RAD17: variants seen among roughly 807,000 people sequenced by gnomAD.
The protein encoded by RAD17 is RAD17 checkpoint clamp loader component, also known as cell cycle checkpoint protein RAD17.
In RAD17, 31 loss-of-function variants were observed where a neutral mutation model predicts 81.5. That is an observed-to-expected ratio of 0.38 (90% CI 0.29 to 0.51). RAD17 has a LOEUF of 0.51. Among genes scored for constraint, RAD17 ranks in the 20% least tolerant of loss-of-function variants. RAD17 has a pLI of 0.88. For missense variants in RAD17, 681 were observed against 781.2 expected (o/e 0.87, Z 1.53); for synonymous variants, 261 against 266.2 (o/e 0.98, Z 0.19).
chr5:69,404,624 CT>C (rs1765476733), intron 17 of RAD17, among the ~76,000 whole-genome samples: 1 of 151,992 alleles, frequency 6.6e-6, no homozygotes, highest in South Asian at 2.1e-4. Context: ...AAAAAATTAG[CT>C]GGGTGCAGTG....
rs1250070716 is a variant in RAD17, at chr5:69,371,049, G to T, written c.-402G>T. 1.1e-5 allele frequency: 4 copies of T among 380,146 alleles called. No individual in the cohort carries two copies. The highest frequency in any genetic ancestry group is 1.3e-4 in the East Asian group (2 of 15,370). The allele number at this position is 380,146 out of a possible 1,614,324, so 23.5% of individuals were successfully genotyped here. On this transcript the variant is annotated 5_prime_UTR_variant, in exon 2 of 19. Coordinates refer to ENST00000354868, the MANE Select transcript of RAD17 (RefSeq NM_133338.3). ...TTCGTCCACAGCAAGTGAATTCATG[G>T]TATTTTACTTTTTTGGGAAATACTG...
rs1232653062 is a variant in RAD17 at position 69,371,526 on chromosome 5, C to A, written c.-207C>A. ...CTATTACAGTTTATAATGTCAAAAA[C>A]TTTTCTTAGACCAAAGGTATCTTCC... On this transcript the variant is annotated 5_prime_UTR_variant, in exon 3 of 19. Coordinates refer to ENST00000354868, the MANE Select transcript of RAD17 (RefSeq NM_133338.3). 2.9e-6 allele frequency: 4 copies of A among 1,376,784 alleles called. No homozygotes were observed. Among genetic ancestry groups the A allele is most frequent in the Non-Finnish European group, 3.8e-6 (4 of 1,041,784 alleles). The allele number at this position is 1,376,784 out of a possible 1,614,324, so 85.3% of individuals were successfully genotyped here. A position where few individuals can be genotyped will look rare whatever the true frequency, so the allele number is the denominator to read the frequency against.
rs563994057 is a variant in RAD17, at chr5:69,381,447, C to G, written c.352-454C>G. On this transcript the variant is annotated intron_variant, in intron 6 of 18. Coordinates refer to ENST00000354868, the MANE Select transcript of RAD17 (RefSeq NM_133338.3). ...AGTGAGCCGAGATTATGCCACTGCACTCCAGCCTGGGTGAAAGAGCAAGAC... is the reference window on the plus strand; with the variant it reads ...AGTGAGCCGAGATTATGCCACTGCAGTCCAGCCTGGGTGAAAGAGCAAGAC... Among the ~76,000 whole-genome samples, 3 of 151,642 alleles carry G rather than the reference C, an allele frequency of 2.0e-5. No homozygotes were observed. In the South Asian group the frequency reaches 6.3e-4, roughly 32 times the overall value.
At chr5:69,395,995 G>T (rs553154133) in intron 15 of RAD17, among the ~76,000 whole-genome samples, 1 of 152,046 alleles carries the variant, frequency 6.6e-6, no homozygotes, top group Non-Finnish European at 1.5e-5. Flanking sequence ...CAGCTGCATA[G>T]TCATATTTTA....
At chr5:69,389,994 G>T (rs868312480) in intron 12 of RAD17, among the ~76,000 whole-genome samples, 17 of 152,234 alleles carry the variant, frequency 1.1e-4, no homozygotes, top group Admixed American at 2.0e-4. Context: ...TCCTGTTAAT[G>T]TTAAAAAGTA....
In RAD17 at chr5:69,414,489, T is replaced by C; in HGVS notation, c.*197T>C. On this transcript the variant is annotated 3_prime_UTR_variant, in exon 19 of 19. Transcript: ENST00000354868. Reference sequence around the variant, plus strand: ...TAGAAGATCAAGCCTTCAAATCTCTTAATTTTTTCGGTATTTATTAAATCT... The same window carrying C: ...TAGAAGATCAAGCCTTCAAATCTCTCAATTTTTTCGGTATTTATTAAATCT... 1 of 688,276 alleles carries C rather than the reference T, an allele frequency of 1.5e-6. No individual in the cohort carries two copies. The highest frequency in any genetic ancestry group is 3.1e-5 in the Admixed American group (1 of 32,246). The allele number at this position is 688,276 out of a possible 1,614,324, so 42.6% of individuals were successfully genotyped here.
At chr5:69,407,768 C>G (rs1271501981) in intron 17 of RAD17, among the ~76,000 whole-genome samples, 3 of 151,652 alleles carry the variant, frequency 2.0e-5, no homozygotes, top group Non-Finnish European at 4.4e-5. Flanking sequence ...GCCAGGCTGG[C>G]CTTGAACTCC....
At chr5:69,370,798 A>G (rs1228305399) in intron 1 of RAD17, 2 of 170,318 alleles carry the variant, frequency 1.2e-5, no homozygotes, top group African/African-American at 4.8e-5. Context: ...CGAGGTGTTT[A>G]TAGGCTATGT....
chr5:69,374,044 C>A lies in RAD17; in HGVS notation c.224C>A (p.Ser75Tyr). 6.2e-7 allele frequency: 1 copy of A among 1,610,646 alleles called. No individual in the cohort carries two copies. Among genetic ancestry groups the A allele is most frequent in the Non-Finnish European group, 8.5e-7 (1 of 1,177,754 alleles). Reference sequence around the variant, plus strand: ...TTAGAAAATTCAAAAGAATATCTGTCTGAAAATGAACCATGGGTGGATAAA... The same window carrying A: ...TTAGAAAATTCAAAAGAATATCTGTATGAAAATGAACCATGGGTGGATAAA... ...YGLENSKEYL[S>Y]ENEPWVDKYK... The change falls in exon 5 of 19, where the codon TCT becomes TAT. Residue 75 changes from serine to tyrosine, a missense_variant. Ser to Tyr is a moderately radical substitution (Grantham distance 144). Coordinates refer to ENST00000354868, the MANE Select transcript of RAD17 (RefSeq NM_133338.3).
chr5:69,404,565 C>G (rs777233597), intron 17 of RAD17, among the ~76,000 whole-genome samples: 1 of 151,898 alleles, frequency 6.6e-6, no homozygotes, highest in Non-Finnish European at 1.5e-5. Context: ...GTCAGGAGAT[C>G]GAGACCAGCC....
intron 17 of RAD17, among the ~76,000 whole-genome samples, chr5:69,409,778 C>T (rs1441496065): frequency 6.6e-6 from 1 of 152,274 alleles, no homozygotes; most frequent in Admixed American, 6.5e-5. Flanking sequence ...AACCAGTTTC[C>T]GAAACTTTTG....
rs1016517103 is a variant in RAD17 at position 69,400,300 on chromosome 5, C to T, written c.1693+131C>T. 1.5e-5 allele frequency: 8 copies of T among 526,546 alleles called. No homozygotes were observed. In the South Asian group the frequency reaches 2.5e-4, roughly 16 times the overall value. The allele number at this position is 526,546 out of a possible 1,614,324, so 32.6% of individuals were successfully genotyped here. A position where few individuals can be genotyped will look rare whatever the true frequency, so the allele number is the denominator to read the frequency against. On this transcript the variant is annotated intron_variant, in intron 17 of 18. Coordinates refer to ENST00000354868, the MANE Select transcript of RAD17 (RefSeq NM_133338.3). ...TGGCACGATCTCGGCTCACTGCAAC[C>T]TCTGCCTCCTGGGTTCAAGCAATTC...
In RAD17 at chr5:69,414,420, T is replaced by C. The variant is rs1766250368; in HGVS notation, c.*128T>C. The stretch of plus-strand genomic sequence containing the variant: ...GTTTGTTAATTCTTCATTCTTGTAG[T>C]ATTTCATCACAAGAAACCTACTCTT... On this transcript the variant is annotated 3_prime_UTR_variant, in exon 19 of 19. Coordinates refer to ENST00000354868, the MANE Select transcript of RAD17 (RefSeq NM_133338.3). The C allele has an allele frequency of 9.2e-7, 1 of 1,088,766 alleles. No homozygotes were observed. Among genetic ancestry groups the C allele is most frequent in the Non-Finnish European group, 1.3e-6 (1 of 769,894 alleles). The allele number at this position is 1,088,766 out of a possible 1,614,324, so 67.4% of individuals were successfully genotyped here.
Position 69,387,718 on chromosome 5 carries a change from G to C in RAD17, c.894+1253G>C, listed in dbSNP as rs17229964. 5.8e-3 allele frequency among the ~76,000 whole-genome samples: 877 copies of C among 152,224 alleles called. 3 individuals are homozygous for C. The highest frequency in any genetic ancestry group is 8.7e-3 in the Non-Finnish European group (589 of 68,016). On this transcript the variant is annotated intron_variant, in intron 11 of 18. Transcript: ENST00000354868. ...ATAAAAATACAAAAATTAGCCGGAT[G>C]TGGTGGCGGGTACCTATAATCCCAG...
At position 69,393,182 on chromosome 5, in the gene RAD17, C is replaced by G; in HGVS notation, c.1217C>G (p.Pro406Arg). 1.2e-6 allele frequency: 2 copies of G among 1,610,804 alleles called. No individual in the cohort carries two copies. The highest frequency in any genetic ancestry group is 1.7e-6 in the Non-Finnish European group (2 of 1,178,130). ...KRASLTELDSPRLPSHLSEYE... is the reference protein window; with the variant it reads ...KRASLTELDSRRLPSHLSEYE... ...GCATCTTTAACAGAATTAGACTCAC[C>G]TCGGTTGCCCTCTCATTTATCAGAA... is the stretch of plus-strand genomic sequence containing the variant. The change falls in exon 14 of 19, where the codon CCT (proline) becomes CGT (arginine). Residue 406 changes from proline to arginine, a missense_variant. Transcript: ENST00000354868.
chr5:69,378,738 TTCTGGGAA>T, intron 6 of RAD17, among the ~76,000 whole-genome samples: 1 of 152,206 alleles, frequency 6.6e-6, no homozygotes, highest in Admixed American at 6.5e-5. Context: ...TGGGGATACA[TTCTGGGAA>T]ATGTGTCATT....
chr5:69,380,404 C>T (rs1763779573), intron 6 of RAD17, among the ~76,000 whole-genome samples: 1 of 152,080 alleles, frequency 6.6e-6, no homozygotes, highest in African/African-American at 2.4e-5. Flanking sequence ...TTTTTCAGCT[C>T]CATTATAATT....
At chr5:69,372,299 A>G (rs1418369024) in intron 4 of RAD17, 82 bp downstream of exon 4, 18 of 1,276,000 alleles carry the variant, frequency 1.4e-5, no homozygotes, top group Non-Finnish European at 1.9e-5. Context: ...TCTTAAAAGA[A>G]GAGTGAAGTG....
chr5:69,379,832 T>C (rs762731917), intron 6 of RAD17, among the ~76,000 whole-genome samples: 12 of 152,078 alleles, frequency 7.9e-5, no homozygotes, highest in African/African-American at 1.4e-4. Context: ...AACAGTGCCT[T>C]CTTCTGCAGT....
Sources: gnomAD v4.1 joint callset for allele counts (sites outside exome capture counted in the v4.1 genomes callset) on GRCh38, gnomAD v4.1.1 for gene constraint, MANE v1.5 for transcripts, NCBI Gene and HGNC (gene_info 2026-07-23, HGNC 2026-07-21) for gene names.